SNTG1: variants seen among roughly 807,000 people sequenced by gnomAD.
SNTG1 encodes gamma-1-syntrophin.
In SNTG1, 39 loss-of-function variants were observed where a neutral mutation model predicts 74.7. The ratio of observed to expected loss-of-function variants is 0.52; its 90% CI spans 0.40 to 0.68. The LOEUF (loss-of-function observed/expected upper bound fraction) is 0.68. Ranked by LOEUF, SNTG1 falls within the 30% of genes least tolerant of loss-of-function variation. SNTG1 has a pLI of 0.00. For missense variants in SNTG1, 685 were observed against 609.5 expected, an observed-to-expected ratio of 1.12 and a Z score of -1.30; for synonymous variants, 254 against 217.1, an observed-to-expected ratio of 1.17 and a Z score of -1.49.
intron 2 of SNTG1, among the ~76,000 whole-genome samples, chr8:50,208,607 A>T (rs893251389): frequency 1.3e-5 from 2 of 152,186 alleles, no homozygotes; most frequent in Non-Finnish European, 2.9e-5. Flanking sequence ...TGTCATTATG[A>T]TGTTAGCTGG....
chr8:50,739,645 C>T (rs1236102861), intron 17 of SNTG1, among the ~76,000 whole-genome samples: 7 of 151,846 alleles, frequency 4.6e-5, no homozygotes, highest in Non-Finnish European at 7.4e-5. Flanking sequence ...CAGCAAACCA[C>T]CATGGCATGT....
intron 18 of SNTG1, among the ~76,000 whole-genome samples, chr8:50,792,250 A>T (rs1038481080): frequency 7.2e-5 from 11 of 151,876 alleles, no homozygotes; most frequent in Non-Finnish European, 1.6e-4. Flanking sequence ...GGCAAATATT[A>T]ACTCATTCTA....
At chr8:50,359,443 C>T (rs919762263) in intron 2 of SNTG1, among the ~76,000 whole-genome samples, 1 of 152,172 alleles carries the variant, frequency 6.6e-6, no homozygotes, top group African/African-American at 2.4e-5. Context: ...CCTGAATTTG[C>T]TGGCCTTGCA....
At chr8:50,787,645 T>A (rs904947142) in intron 18 of SNTG1, among the ~76,000 whole-genome samples, 1 of 151,960 alleles carries the variant, frequency 6.6e-6, no homozygotes, top group Non-Finnish European at 1.5e-5. Context: ...GATATGTCCA[T>A]ATCAGGAAAT....
intron 2 of SNTG1, among the ~76,000 whole-genome samples, chr8:50,354,554 C>T (rs1353352862): frequency 2.0e-5 from 3 of 152,158 alleles, no homozygotes; most frequent in Non-Finnish European, 4.4e-5. Context: ...GAAAATCTTA[C>T]ATCCTGAGAG....
In SNTG1 at chr8:50,716,267, TAA is replaced by T. The variant is rs983390480; in HGVS notation, c.1284+7293_1284+7294del. On this transcript the variant is annotated intron_variant, in intron 17 of 18. Transcript: ENST00000642720. The stretch of plus-strand genomic sequence containing the variant: ...ATTATTTCACATCAAAGACAGTTAC[TAA>T]AAATATTAAAAAAATTGAAACATCA... 1.2e-3 allele frequency among the ~76,000 whole-genome samples: 181 copies of T among 152,254 alleles called. 2 individuals carry two copies. Among genetic ancestry groups the T allele is most frequent in the African/African-American group, 4.0e-3 (168 of 41,566 alleles).
intron 1 of SNTG1, among the ~76,000 whole-genome samples, chr8:49,976,261 T>A (rs1812181770): frequency 6.6e-6 from 1 of 152,212 alleles, no homozygotes; most frequent in Admixed American, 6.5e-5. Flanking sequence ...AAATAAGTTT[T>A]TTTTGTTTCA....
At chr8:50,098,512 A>G (rs1452594782) in intron 1 of SNTG1, among the ~76,000 whole-genome samples, 1 of 152,182 alleles carries the variant, frequency 6.6e-6, no homozygotes, top group Non-Finnish European at 1.5e-5. Flanking sequence ...GAGGATGTGC[A>G]TAGGTTAAAC....
chr8:49,993,649 C>T (rs910085291), intron 1 of SNTG1, among the ~76,000 whole-genome samples: 6 of 152,110 alleles, frequency 3.9e-5, no homozygotes, highest in Admixed American at 6.5e-5. Context: ...TGAGTGAGAA[C>T]ATATAGTGTT....
At chr8:50,219,347 A>G (rs1307267324) in intron 2 of SNTG1, among the ~76,000 whole-genome samples, 1 of 152,178 alleles carries the variant, frequency 6.6e-6, no homozygotes, top group African/African-American at 2.4e-5. Flanking sequence ...TGATTGTGAT[A>G]TCACAATTTT....
intron 15 of SNTG1, among the ~76,000 whole-genome samples, chr8:50,665,380 G>A (rs543368162): frequency 6.6e-6 from 1 of 151,938 alleles, no homozygotes; most frequent in Non-Finnish European, 1.5e-5. Flanking sequence ...AGAAATATTG[G>A]TATGCAGCCT....
chr8:50,557,879 T>C (rs1167990547), intron 12 of SNTG1, among the ~76,000 whole-genome samples: 1 of 152,214 alleles, frequency 6.6e-6, no homozygotes, highest in Non-Finnish European at 1.5e-5. Flanking sequence ...TCAAAGCCTT[T>C]GCTTTGTCAT....
intron 1 of SNTG1, among the ~76,000 whole-genome samples, chr8:50,005,574 C>T (rs34249782): frequency 0.015 from 2,291 of 151,842 alleles, 25 homozygotes; most frequent in Non-Finnish European, 0.024. Context: ...TAAAAATATG[C>T]AATAAGGGTT....
rs1028271391 is a variant in SNTG1 at position 50,265,465 on chromosome 8, A to T, written c.-28+92830A>T. Among the ~76,000 whole-genome samples the T allele has an allele frequency of 2.0e-5, 3 of 152,260 alleles. No individual in the cohort carries two copies. The East Asian group carries it at 5.8e-4, about 29-fold the overall frequency. On this transcript the variant is annotated intron_variant, in intron 2 of 18. Coordinates refer to ENST00000642720, the MANE Select transcript of SNTG1 (RefSeq NM_018967.5). ...ACTCAGGAGACTGGACATAGAAAAC[A>T]ATCTGATCAACCTTATAAAGGGCAT...
At chr8:50,160,934 G>C (rs553736966) in intron 1 of SNTG1, among the ~76,000 whole-genome samples, 3 of 152,006 alleles carry the variant, frequency 2.0e-5, no homozygotes, top group Non-Finnish European at 4.4e-5. Flanking sequence ...GTGGGGAAAG[G>C]GGAGTTCAGG....
At chr8:50,148,324 T>C (rs1170803978) in intron 1 of SNTG1, among the ~76,000 whole-genome samples, 1 of 152,214 alleles carries the variant, frequency 6.6e-6, no homozygotes, top group Admixed American at 6.5e-5. Context: ...ATATCACTAC[T>C]TTTGAGTGTA....
chr8:50,687,915 CTGTTG>C lies in SNTG1; in HGVS notation c.1039-16683_1039-16679del, dbSNP rs1274949950. On this transcript the variant is annotated intron_variant, in intron 15 of 18. Transcript: ENST00000642720. ...TATTTCTCCACATCCTCTCCAGCAC[CTGTTG>C]TTTCCTGACTTTTTAATGATCGCCA... 3.3e-5 allele frequency among the ~76,000 whole-genome samples: 5 copies of C among 152,314 alleles called. No individual in the cohort carries two copies. The East Asian group carries it at 9.6e-4, about 29-fold the overall frequency.
chr8:50,348,534 C>T (rs1436920639), intron 2 of SNTG1, among the ~76,000 whole-genome samples: 1 of 152,166 alleles, frequency 6.6e-6, no homozygotes, highest in East Asian at 1.9e-4. Flanking sequence ...TTAATTTGGT[C>T]ACCGCAAGGA....
At chr8:50,034,263 C>T (rs1394977489) in intron 1 of SNTG1, among the ~76,000 whole-genome samples, 1 of 152,120 alleles carries the variant, frequency 6.6e-6, no homozygotes, top group African/African-American at 2.4e-5. Flanking sequence ...AGCTTTAAAA[C>T]ATGCAAGAAG....
Sources: allele counts gnomAD v4.1 joint callset (sites outside exome capture counted in the v4.1 genomes callset), GRCh38; gene constraint gnomAD v4.1.1; transcripts MANE v1.5; gene names NCBI Gene and HGNC (gene_info 2026-07-23, HGNC 2026-07-21).